The following CNBD1 variants were observed in gnomAD, a reference collection of about 807,000 sequenced individuals.
The protein encoded by CNBD1 is cyclic nucleotide binding domain containing 1, also known as cyclic nucleotide-binding domain-containing protein 1.
In CNBD1, 71 loss-of-function variants were observed where a neutral mutation model predicts 54.4. The ratio of observed to expected loss-of-function variants is 1.30; its 90% CI spans 1.08 to 1.59. CNBD1 has a LOEUF of 1.59. Among genes scored for constraint, CNBD1 ranks in the 40% most tolerant of loss-of-function variants. The pLI is 0.00. For synonymous variants in CNBD1, 182 were observed against 170.7 expected, an observed-to-expected ratio of 1.07 and a Z score of -0.51; for missense variants, 659 against 518.0, an observed-to-expected ratio of 1.27 and a Z score of -2.64.
At chr8:86,870,399 G>A (rs1166485535) in intron 1 of CNBD1, among the ~76,000 whole-genome samples, 11 of 151,670 alleles carry the variant, frequency 7.3e-5, no homozygotes, top group South Asian at 6.3e-4. Context: ...GGCTTTCACC[G>A]TGTTGGCCAG....
At chr8:87,334,245 A>G (rs946176150) in intron 8 of CNBD1, among the ~76,000 whole-genome samples, 2 of 151,522 alleles carry the variant, frequency 1.3e-5, no homozygotes, top group African/African-American at 4.9e-5. Context: ...ATCAATTTTT[A>G]TTGTGTCTAT....
At chr8:87,289,477 C>T (rs1808749730) in intron 8 of CNBD1, among the ~76,000 whole-genome samples, 1 of 152,082 alleles carries the variant, frequency 6.6e-6, no homozygotes, top group Admixed American at 6.6e-5. Flanking sequence ...ACTAATCAAC[C>T]TGTTCCCATG....
intron 5 of CNBD1, among the ~76,000 whole-genome samples, chr8:87,207,946 A>G (rs2130798869): frequency 6.6e-6 from 1 of 152,318 alleles, no homozygotes; most frequent in South Asian, 2.1e-4. Context: ...CTACCAAAGA[A>G]GTCAACTCAT....
chr8:87,341,399 C>T (rs1586029572), intron 8 of CNBD1, among the ~76,000 whole-genome samples: 1 of 152,084 alleles, frequency 6.6e-6, no homozygotes, highest in South Asian at 2.1e-4. Context: ...TTTTTTCCAT[C>T]CCTAGGGGGA....
At chr8:87,400,547 C>G (rs1807541637) in intron 2 of CNBD1, among the ~76,000 whole-genome samples, 1 of 151,920 alleles carries the variant, frequency 6.6e-6, no homozygotes, top group African/African-American at 2.4e-5. Context: ...TAAAATTTTT[C>G]AAGATAGACC....
intron 8 of CNBD1, among the ~76,000 whole-genome samples, chr8:87,316,357 T>C (rs1357080220): frequency 6.6e-6 from 1 of 151,968 alleles, no homozygotes; most frequent in African/African-American, 2.4e-5. Context: ...ATATTTAGTT[T>C]CCATTTTTTG....
intron 4 of CNBD1, among the ~76,000 whole-genome samples, chr8:86,980,386 G>A (rs1524838): frequency 0.053 from 8,116 of 152,248 alleles, 303 homozygotes; most frequent in East Asian, 0.2. Context: ...CATATTTACT[G>A]TACACATTTA....
chr8:86,998,752 G>A (rs182247409), intron 4 of CNBD1, among the ~76,000 whole-genome samples: 2 of 152,152 alleles, frequency 1.3e-5, no homozygotes, highest in African/African-American at 2.4e-5. Context: ...CATGTTTTTC[G>A]AATTGCTCAA....
intron 2 of CNBD1, among the ~76,000 whole-genome samples, chr8:87,403,975 G>A (rs1054395882): frequency 1.3e-5 from 2 of 152,140 alleles, no homozygotes; most frequent in Non-Finnish European, 2.9e-5. Context: ...TTGGTAAGAT[G>A]TTTCTTTTAG....
rs148631252 is a variant in CNBD1 at position 86,936,816 on chromosome 8, G to A, written c.273-2780G>A. ...TTAGGTTACCAAATTAGACTTACAG[G>A]AATCAGATTTTACCCAGTATCAAGT... On this transcript the variant is annotated intron_variant, in intron 3 of 10. Transcript: ENST00000518476. Among the ~76,000 whole-genome samples the A allele has an allele frequency of 4.9e-3, 743 of 151,620 alleles. 7 individuals carry two copies. Among genetic ancestry groups the A allele is most frequent in the South Asian group, 7.7e-3 (37 of 4,800 alleles).
At chr8:86,925,590 T>C (rs1013785008) in intron 3 of CNBD1, among the ~76,000 whole-genome samples, 7 of 149,690 alleles carry the variant, frequency 4.7e-5, no homozygotes, top group Admixed American at 4.0e-4. Context: ...TGGGAACTGA[T>C]AAAGGAAAAA....
intron 2 of CNBD1, among the ~76,000 whole-genome samples, chr8:87,411,975 T>G (rs548013218): frequency 8.5e-5 from 13 of 152,110 alleles, no homozygotes; most frequent in Middle Eastern, 3.4e-3. Context: ...TTTTTCTTAT[T>G]ACTACAACTG....
At chr8:87,106,455 C>T (rs1212127986) in intron 4 of CNBD1, among the ~76,000 whole-genome samples, 1 of 152,198 alleles carries the variant, frequency 6.6e-6, no homozygotes, top group African/African-American at 2.4e-5. Context: ...AAGTGATCCA[C>T]CTGCCTCAGC....
chr8:87,039,598 A>G (rs1288185412), intron 4 of CNBD1, among the ~76,000 whole-genome samples: 2 of 152,228 alleles, frequency 1.3e-5, no homozygotes, highest in African/African-American at 4.8e-5. Context: ...TCACCTTGCC[A>G]GCTGCCTAGA....
intron 4 of CNBD1, among the ~76,000 whole-genome samples, chr8:87,033,124 C>T (rs56927643): frequency 1.3e-5 from 2 of 152,276 alleles, no homozygotes; most frequent in East Asian, 1.9e-4. Context: ...TTTTAAATAA[C>T]AATGATGGCA....
intron 4 of CNBD1, among the ~76,000 whole-genome samples, chr8:87,054,636 G>T (rs1810376912): frequency 6.6e-6 from 1 of 152,222 alleles, no homozygotes; most frequent in African/African-American, 2.4e-5. Flanking sequence ...ACGAAAGGAA[G>T]AAAATGCAAC....
chr8:87,106,167 A>T, intron 4 of CNBD1, among the ~76,000 whole-genome samples: 3 of 125,764 alleles, frequency 2.4e-5, no homozygotes, highest in Admixed American at 7.6e-5. Flanking sequence ...CTTCCTTTCC[A>T]TTCCTTTCCA....
At chr8:87,275,191 T>G (rs1429032632) in intron 6 of CNBD1, among the ~76,000 whole-genome samples, 1 of 141,790 alleles carries the variant, frequency 7.1e-6, no homozygotes, top group Admixed American at 6.8e-5. Flanking sequence ...GTAGTATAGT[T>G]TGAAGTCTGG....
chr8:87,381,064 G>C (rs1225937471), intron 10 of CNBD1, among the ~76,000 whole-genome samples: 1 of 152,032 alleles, frequency 6.6e-6, no homozygotes. Context: ...GAAAACGTTT[G>C]CACAGCAAAG....
Sources: gnomAD v4.1 joint callset for allele counts (sites outside exome capture counted in the v4.1 genomes callset) on GRCh38, gnomAD v4.1.1 for gene constraint, MANE v1.5 for transcripts, NCBI Gene and HGNC (gene_info 2026-07-23, HGNC 2026-07-21) for gene names.